Variants in BMP10 observed in about 807,000 individuals in gnomAD.
The protein encoded by BMP10 is bone morphogenetic protein 10.
BMP10 carries 9 observed loss-of-function variants against 29.9 expected under a neutral mutation model. The observed-to-expected ratio is 0.30, with a 90% CI of 0.18 to 0.53. The LOEUF is 0.53. BMP10 is among the 20% of genes least tolerant of loss of function. The probability of loss-of-function intolerance (pLI) is 0.96; values close to 1 mark genes in which losing one functional copy is unlikely to be tolerated. For synonymous variants in BMP10, 202 were observed against 200.2 expected (o/e 1.01, Z -0.07); for missense variants, 474 against 524.3 (o/e 0.90, Z 0.94).
chr2:68,869,224 G>A (rs917137151), intron 1 of BMP10, among the ~76,000 whole-genome samples: 18 of 42,444 alleles, frequency 4.2e-4, no homozygotes, highest in African/African-American at 1.5e-3. Context: ...AAATGACAAG[G>A]TGATAAAGGA....
At chr2:68,869,957 T>C (rs1157122006) in intron 1 of BMP10, among the ~76,000 whole-genome samples, 1 of 152,168 alleles carries the variant, frequency 6.6e-6, no homozygotes, top group Non-Finnish European at 1.5e-5. Flanking sequence ...ATGTAGGTAT[T>C]ATTACTCCCA....
At chr2:68,869,210 C>T (rs992694019) in intron 1 of BMP10, among the ~76,000 whole-genome samples, 5 of 92,066 alleles carry the variant, frequency 5.4e-5, no homozygotes, top group Admixed American at 1.3e-4. Flanking sequence ...TAACTGATTT[C>T]CCCAAATGAC....
chr2:68,866,202 C>G lies in BMP10; in HGVS notation c.704G>C (p.Ser235Thr), dbSNP rs746919370. Reference sequence around the variant, plus strand: ...GGTATCTATTTCTAGCCGTCCACTGCTGGCATCCTCAGCTTCATCGTGTTT... The same window carrying G: ...GGTATCTATTTCTAGCCGTCCACTGGTGGCATCCTCAGCTTCATCGTGTTT... ...ESKHDEAEDA[S>T]SGRLEIDTSA... is the part of the protein sequence containing the mutation. Residue 235 changes from serine to threonine, a missense_variant, in exon 2 of 2, where the codon AGC (serine) becomes ACC (threonine). This residue lies in a region of BMP10 where 408 missense variants were observed against 415.3 expected (regional missense o/e 0.98). Coordinates refer to ENST00000295379, the MANE Select transcript of BMP10 (RefSeq NM_014482.3). 1.6e-5 allele frequency: 26 copies of G among 1,613,994 alleles called. No individual in the cohort carries two copies. The highest frequency in any genetic ancestry group is 6.8e-6 in the Non-Finnish European group (8 of 1,179,998).
Position 68,866,520 on chromosome 2 carries a change from A to C in BMP10, c.386T>G (p.Leu129Arg). Residue 129 changes from leucine (L) to arginine (R), a missense_variant, in exon 2 of 2, where the codon CTC becomes CGC. By Grantham distance (102) the Leu-to-Arg change is moderately radical. This residue lies in a region of BMP10 where 408 missense variants were observed against 415.3 expected (regional missense o/e 0.98). Transcript: ENST00000295379. ...ATGGTGAGGAATGGACACATTGAAG[A>C]GGAGGGGGTATTTTCGGAGCCCATT... Reference protein sequence around the residue: ...SFNGLRKYPLLFNVSIPHHEE... With the variant: ...SFNGLRKYPLRFNVSIPHHEE... 6.2e-7 allele frequency: 1 copy of C among 1,613,880 alleles called. No homozygotes were observed.
At chr2:68,869,578 A>C (rs945577522) in intron 1 of BMP10, among the ~76,000 whole-genome samples, 1 of 152,212 alleles carries the variant, frequency 6.6e-6, no homozygotes, top group African/African-American at 2.4e-5. Flanking sequence ...CTAGTTTTCC[A>C]GGGGATGCAA....
chr2:68,864,731 G>T lies in BMP10; in HGVS notation c.*900C>A, dbSNP rs1350899061. 6.6e-6 allele frequency among the ~76,000 whole-genome samples: 1 copy of T among 152,210 alleles called. No homozygotes were observed. Among genetic ancestry groups the T allele is most frequent in the East Asian group, 1.9e-4 (1 of 5,202 alleles). The stretch of plus-strand genomic sequence containing the variant: ...TTTGATACTTCTATTTTGTCCAAAA[G>T]ATTTAATTCTTTAAACAGAACCACT... On this transcript the variant is annotated 3_prime_UTR_variant, in exon 2 of 2. Coordinates refer to ENST00000295379, the MANE Select transcript of BMP10 (RefSeq NM_014482.3).
chr2:68,869,745 TATTATGAATTATAA>T (rs1375934739), intron 1 of BMP10, among the ~76,000 whole-genome samples: 2 of 152,196 alleles, frequency 1.3e-5, no homozygotes, highest in Non-Finnish European at 2.9e-5. Context: ...ATGAGAAAGA[TATTATGAATTATAA>T]ATTTTGGCAG....
chr2:68,865,472 C>A lies in BMP10; in HGVS notation c.*159G>T. The A allele has an allele frequency of 1.4e-6, 1 of 733,062 alleles. No homozygotes were observed. Among genetic ancestry groups the A allele is most frequent in the Non-Finnish European group, 2.2e-6 (1 of 462,690 alleles). The allele number at this position is 733,062 out of a possible 1,614,324, so 45.4% of individuals were successfully genotyped here. A position where few individuals can be genotyped will look rare whatever the true frequency, so the allele number is the denominator to read the frequency against. ...AGAAAACAGATTGAAAGGGACTTAACTGGAGAGGAAAATATGCATTTCCTA... is the reference window on the plus strand; with the variant it reads ...AGAAAACAGATTGAAAGGGACTTAAATGGAGAGGAAAATATGCATTTCCTA... On this transcript the variant is annotated 3_prime_UTR_variant, in exon 2 of 2. Transcript: ENST00000295379. This position sits in a 1 kb window ranked among gnomAD's most constrained non-coding sequence, Gnocchi z 4.7.
Position 68,866,446 on chromosome 2 carries a change from C to A in BMP10, c.460G>T (p.Asp154Tyr). 6.2e-7 allele frequency: 1 copy of A among 1,613,934 alleles called. No individual in the cohort carries two copies. Among genetic ancestry groups the A allele is most frequent in the Non-Finnish European group, 8.5e-7 (1 of 1,179,922 alleles). The change falls in exon 2 of 2, where the codon GAT becomes TAT. Residue 154 changes from aspartate to tyrosine, a missense_variant. This residue lies in a region of BMP10 where 408 missense variants were observed against 415.3 expected (regional missense o/e 0.98). Coordinates refer to ENST00000295379, the MANE Select transcript of BMP10 (RefSeq NM_014482.3). ...ELRLYTLVQR[D>Y]RMIYDGVDRK... The stretch of plus-strand genomic sequence containing the variant: ...TCTACTCCATCGTATATCATACGAT[C>A]CCTTTGCACCAGTGTGTATAGCCTA...
At position 68,871,316 on chromosome 2, in the gene BMP10, C is replaced by G; in HGVS notation, c.43G>C (p.Ala15Pro). Residue 15 changes from alanine to proline, a missense_variant, in exon 1 of 2, where the codon GCA becomes CCA. Transcript: ENST00000295379. The stretch of plus-strand genomic sequence containing the variant: ...GGGCTGCCAGAAACCAAGTAAGCTG[C>G]CAGGCAGAAAAGAGCGCACAGTGTC... ...VLTLCALFCL[A>P]AYLVSGSPIM... The G allele has an allele frequency of 6.2e-7, 1 of 1,614,110 alleles. No homozygotes were observed. Among genetic ancestry groups the G allele is most frequent in the Non-Finnish European group, 8.5e-7 (1 of 1,180,000 alleles).
chr2:68,867,704 C>A (rs1353885826), intron 1 of BMP10, among the ~76,000 whole-genome samples: 2 of 152,064 alleles, frequency 1.3e-5, no homozygotes, highest in African/African-American at 4.8e-5. Flanking sequence ...ATGCTAAGGA[C>A]CACCAACTGG....
chr2:68,870,506 A>G (rs1573688437), intron 1 of BMP10, among the ~76,000 whole-genome samples: 1 of 152,244 alleles, frequency 6.6e-6, no homozygotes, highest in African/African-American at 2.4e-5. Flanking sequence ...GAATCTTTAA[A>G]ATATATTTCC....
At chr2:68,867,731 T>C (rs557074676) in intron 1 of BMP10, among the ~76,000 whole-genome samples, 7 of 152,318 alleles carry the variant, frequency 4.6e-5, no homozygotes, top group East Asian at 1.9e-4. Context: ...TCTGTCATCA[T>C]TGGCAGCATT....
chr2:68,865,548 A>T lies in BMP10; in HGVS notation c.*83T>A. On this transcript the variant is annotated 3_prime_UTR_variant, in exon 2 of 2. Transcript: ENST00000295379. This position sits in a 1 kb window ranked among gnomAD's most constrained non-coding sequence, Gnocchi z 4.7. ...GAAGGCAGCAAGCCTCTATTACTGTACACCCTTATTAAATAATCTCATTAA... is the reference window on the plus strand; with the variant it reads ...GAAGGCAGCAAGCCTCTATTACTGTTCACCCTTATTAAATAATCTCATTAA... 1 of 1,378,096 alleles carries T rather than the reference A, an allele frequency of 7.3e-7. No homozygotes were observed. The highest frequency in any genetic ancestry group is 1.0e-6 in the Non-Finnish European group (1 of 999,336). 85.4% of individuals were successfully genotyped at this position (1,378,096 alleles called of 1,614,324 possible). A position where few individuals can be genotyped will look rare whatever the true frequency, so the allele number is the denominator to read the frequency against.
rs544611672 is a variant in BMP10, at chr2:68,863,036, G to A, written c.*2595C>T. 5.2e-4 allele frequency among the ~76,000 whole-genome samples: 79 copies of A among 152,166 alleles called. No homozygotes were observed. The highest frequency in any genetic ancestry group is 6.6e-4 in the Non-Finnish European group (45 of 68,030). On this transcript the variant is annotated 3_prime_UTR_variant, in exon 2 of 2. Transcript: ENST00000295379. ...TCTCCAGAAGCCCGGAGCCAGCAGC[G>A]CACACAGTGGAAAGCAGGGCTGGCA...
intron 1 of BMP10, among the ~76,000 whole-genome samples, chr2:68,866,893 T>C (rs1012458670): frequency 6.6e-6 from 1 of 152,160 alleles, no homozygotes; most frequent in Non-Finnish European, 1.5e-5. Context: ...ACCTTGGAGA[T>C]TGTGTGGGCA....
Position 68,862,197 on chromosome 2 carries a change from A to G in BMP10, c.*3434T>C, listed in dbSNP as rs895696092. Among the ~76,000 whole-genome samples the G allele has an allele frequency of 4.6e-5, 7 of 152,252 alleles. No individual in the cohort carries two copies. The highest frequency in any genetic ancestry group is 2.9e-5 in the Non-Finnish European group (2 of 68,044). On this transcript the variant is annotated 3_prime_UTR_variant, in exon 2 of 2. Coordinates refer to ENST00000295379, the MANE Select transcript of BMP10 (RefSeq NM_014482.3). The stretch of plus-strand genomic sequence containing the variant: ...TCTACACTTCAGTTAAAACTGTACT[A>G]TTTACAAATCAGAAAATATACTACA...
Position 68,861,888 on chromosome 2 carries a change from A to C in BMP10, c.*3743T>G, listed in dbSNP as rs1682864851. On this transcript the variant is annotated 3_prime_UTR_variant, in exon 2 of 2. Transcript: ENST00000295379. ...CACTTTGGGGCTGACTCTTTTGGAA[A>C]TCACTAAGCTAACATTTTTGACATT... is the stretch of plus-strand genomic sequence containing the variant. 6.6e-6 allele frequency among the ~76,000 whole-genome samples: 1 copy of C among 152,230 alleles called. No individual in the cohort carries two copies. The highest frequency in any genetic ancestry group is 1.5e-5 in the Non-Finnish European group (1 of 68,038).
rs142310609 is a variant in BMP10, at chr2:68,870,276, A to G, written c.334+749T>C. Reference sequence around the variant, plus strand: ...AAAACAAACAAACAAACAAACAAACAAAAACATTAACTTGCTAGCTCATTA... The same window carrying G: ...AAAACAAACAAACAAACAAACAAACGAAAACATTAACTTGCTAGCTCATTA... On this transcript the variant is annotated intron_variant, in intron 1 of 1. Transcript: ENST00000295379. Among the ~76,000 whole-genome samples the G allele has an allele frequency of 4.5e-4, 69 of 152,332 alleles. 1 individual carries two copies. In the East Asian group the frequency reaches 0.011, roughly 24 times the overall value.
Sources: allele counts gnomAD v4.1 joint callset (sites outside exome capture counted in the v4.1 genomes callset), GRCh38; gene constraint gnomAD v4.1.1; regional missense constraint gnomAD v4.1.1; non-coding constraint Gnocchi (gnomAD v3.1); transcripts MANE v1.5; gene names NCBI Gene and HGNC (gene_info 2026-07-23, HGNC 2026-07-21).